Variants in PDS5A observed in about 807,000 individuals in gnomAD.
The protein encoded by PDS5A is PDS5 cohesin associated factor A.
A neutral mutation model predicts 167.1 loss-of-function variants in PDS5A; 42 were observed. The ratio of observed to expected loss-of-function variants is 0.25; its 90% CI spans 0.20 to 0.33. The LOEUF (loss-of-function observed/expected upper bound fraction) is 0.33, where lower values mean the gene tolerates loss of function less well. Among genes scored for constraint, PDS5A ranks in the 10% least tolerant of loss-of-function variants. PDS5A has a pLI of 1.00. For missense variants in PDS5A, 1,033 were observed against 1,605.9 expected, an observed-to-expected ratio of 0.64 and a Z score of 6.10; for synonymous variants, 553 against 554.6, an observed-to-expected ratio of 1.00 and a Z score of 0.04.
chr4:39,957,070 T>C (rs1431228960), intron 2 of PDS5A, among the ~76,000 whole-genome samples: 1 of 152,218 alleles, frequency 6.6e-6, no homozygotes, highest in South Asian at 2.1e-4. Flanking sequence ...TTTTATTCAA[T>C]GATTTTCTTT....
At chr4:39,890,074 G>A (rs1173782668) in intron 17 of PDS5A, among the ~76,000 whole-genome samples, 175 bp downstream of exon 17, 1 of 152,106 alleles carries the variant, frequency 6.6e-6, no homozygotes, top group Non-Finnish European at 1.5e-5. Flanking sequence ...ATTATATAAA[G>A]CCAAAGATCA....
intron 32 of PDS5A, among the ~76,000 whole-genome samples, chr4:39,828,776 A>G (rs1715549283): frequency 6.6e-6 from 1 of 152,242 alleles, no homozygotes; most frequent in South Asian, 2.1e-4. Context: ...GAGCACCTAT[A>G]GATGACTGGG....
At chr4:39,962,842 G>A (rs1442770956) in intron 2 of PDS5A, among the ~76,000 whole-genome samples, 1 of 152,014 alleles carries the variant, frequency 6.6e-6, no homozygotes, top group Non-Finnish European at 1.5e-5. Context: ...CATGCCTGTA[G>A]TCCCAGCTAC....
chr4:39,880,837 GTTA>G (rs914118014), intron 17 of PDS5A, among the ~76,000 whole-genome samples: 3 of 152,072 alleles, frequency 2.0e-5, no homozygotes, highest in African/African-American at 7.2e-5. Context: ...TTGAAACTAT[GTTA>G]TTGTTAACTA....
At chr4:39,867,769 CA>C (rs749751924) in intron 22 of PDS5A, among the ~76,000 whole-genome samples, 7,013 of 131,316 alleles carry the variant, frequency 0.053, 333 homozygotes, top group African/African-American at 0.13. Context: ...CACACACACA[CA>C]CACACCCCAC....
intron 8 of PDS5A, among the ~76,000 whole-genome samples, chr4:39,916,379 G>A (rs902369229): frequency 1.3e-5 from 2 of 152,084 alleles, no homozygotes; most frequent in Non-Finnish European, 2.9e-5. Context: ...TCTGTACCAT[G>A]AAAAGGTCAT....
chr4:39,943,542 G>C (rs1396148042), intron 2 of PDS5A, among the ~76,000 whole-genome samples: 1 of 150,760 alleles, frequency 6.6e-6, no homozygotes, highest in Admixed American at 6.6e-5. Context: ...CCAGCACTTT[G>C]GGAGGCCAGG....
chr4:39,940,391 T>C (rs931536435), intron 2 of PDS5A, among the ~76,000 whole-genome samples: 20 of 152,294 alleles, frequency 1.3e-4, no homozygotes, highest in African/African-American at 4.3e-4. Flanking sequence ...GCTGATGATA[T>C]TCTATTTCTT....
In PDS5A at chr4:39,863,089, AAAACTT is replaced by A. The variant is rs757596173; in HGVS notation, c.2767-22_2767-17del. The A allele has an allele frequency of 6.3e-7, 1 of 1,594,494 alleles. No individual in the cohort carries two copies. Among genetic ancestry groups the A allele is most frequent in the Non-Finnish European group, 8.6e-7 (1 of 1,166,150 alleles). On this transcript the variant is annotated splice_polypyrimidine_tract_variant and intron_variant, in intron 24 of 32. Transcript: ENST00000303538. ...AACACTCATCCTACAGCAGCACAGA[AAAACTT>A]AAATTGGCAACCATTTATTAAATAA...
chr4:39,904,026 C>T lies in PDS5A; in HGVS notation c.1385+14G>A. 2 of 1,539,916 alleles carry T rather than the reference C, an allele frequency of 1.3e-6. No homozygotes were observed. Among genetic ancestry groups the T allele is most frequent in the Non-Finnish European group, 1.8e-6 (2 of 1,137,198 alleles). ...GTTTTACACTCAACCATTCTACCAA[C>T]ATATTAAACTCACTTGTCGTCAATG... On this transcript the variant is annotated intron_variant, in intron 12 of 32. Transcript: ENST00000303538.
rs73229710 is a variant in PDS5A, at chr4:39,923,030, T to A, written c.528-282A>T. On this transcript the variant is annotated intron_variant, in intron 5 of 32. Transcript: ENST00000303538. ...ACATTTTCTTCCATTCACTTTTTTT[T>A]AAAAAGAAAAGAAAAAGGCCGGGCA... 0.11 allele frequency among the ~76,000 whole-genome samples: 15,992 copies of A among 151,952 alleles called. 1,037 individuals carry two copies. Among genetic ancestry groups the A allele is most frequent in the East Asian group, 0.22 (1,115 of 5,160 alleles).
intron 2 of PDS5A, among the ~76,000 whole-genome samples, chr4:39,937,787 C>T (rs1726769008): frequency 6.6e-6 from 1 of 152,182 alleles, no homozygotes; most frequent in Admixed American, 6.6e-5. Context: ...GGTAGAACCA[C>T]TTTGCTGCTT....
chr4:39,872,824 T>G (rs1369570628), intron 21 of PDS5A, 162 bp downstream of exon 21: 11 of 409,232 alleles, frequency 2.7e-5, no homozygotes, highest in South Asian at 2.0e-4. Flanking sequence ...TACCATGAAA[T>G]AAGGAAGTAG....
chr4:39,976,599 C>T lies in PDS5A; in HGVS notation c.-22G>A, dbSNP rs746171392. Reference sequence around the variant, plus strand: ...CCATCCTGGGGGACAACTTTTGGTTCACAGTCCTCTACCGGCCTCTATCGG... The same window carrying T: ...CCATCCTGGGGGACAACTTTTGGTTTACAGTCCTCTACCGGCCTCTATCGG... On this transcript the variant is annotated 5_prime_UTR_variant, in exon 2 of 33. Transcript: ENST00000303538. 10 of 1,603,766 alleles carry T rather than the reference C, an allele frequency of 6.2e-6. No individual in the cohort carries two copies. In the South Asian group the frequency reaches 1.0e-4, roughly 16 times the overall value.
At chr4:39,857,090 T>G (rs1028346207) in intron 26 of PDS5A, among the ~76,000 whole-genome samples, 2 of 152,102 alleles carry the variant, frequency 1.3e-5, no homozygotes, top group African/African-American at 4.8e-5. Flanking sequence ...CAGTGGCTCA[T>G]GCCTGTAATC....
chr4:39,919,568 C>T (rs934920602), intron 7 of PDS5A, among the ~76,000 whole-genome samples: 1 of 152,134 alleles, frequency 6.6e-6, no homozygotes, highest in African/African-American at 2.4e-5. Flanking sequence ...TGGCGTCAAC[C>T]CGGGAGGCGG....
At chr4:39,870,777 T>C (rs117736823) in intron 21 of PDS5A, among the ~76,000 whole-genome samples, 10 of 152,146 alleles carry the variant, frequency 6.6e-5, no homozygotes, top group Non-Finnish European at 1.0e-4. Context: ...AGTATGGCTG[T>C]TGCTTTTTTA....
chr4:39,970,442 T>TAA (rs11345890), intron 2 of PDS5A, among the ~76,000 whole-genome samples: 1 of 142,390 alleles, frequency 7.0e-6, no homozygotes. Flanking sequence ...CTCAAATGCT[T>TAA]AAAAAAAAAA....
intron 9 of PDS5A, among the ~76,000 whole-genome samples, chr4:39,912,635 A>T (rs557634541): frequency 9.9e-5 from 15 of 152,212 alleles, no homozygotes; most frequent in Non-Finnish European, 5.9e-5. Context: ...CCAACTACTG[A>T]ATCAGTTGAA....
Sources: allele counts gnomAD v4.1 joint callset (sites outside exome capture counted in the v4.1 genomes callset), GRCh38; gene constraint gnomAD v4.1.1; transcripts MANE v1.5; gene names NCBI Gene and HGNC (gene_info 2026-07-23, HGNC 2026-07-21).